Variants in RAI14 observed in about 807,000 individuals in gnomAD.
RAI14 encodes the protein retinoic acid induced 14.
RAI14 carries 45 observed loss-of-function variants against 115.4 expected under a neutral mutation model. The observed-to-expected ratio is 0.39, with a 90% CI of 0.31 to 0.50. The LOEUF is 0.50. Among genes scored for constraint, RAI14 ranks in the 20% least tolerant of loss-of-function variants. The pLI, the probability that RAI14 is intolerant of heterozygous loss-of-function variation, is 0.85. For synonymous variants in RAI14, 371 were observed against 415.4 expected (o/e 0.89, Z 1.30); for missense variants, 939 against 1,131.2 (o/e 0.83, Z 2.44).
intron 11 of RAI14, 31 bp from the exon 12 acceptor site, chr5:34,814,548 CTTTA>C: frequency 6.6e-7 from 1 of 1,507,420 alleles, no homozygotes; most frequent in Non-Finnish European, 9.2e-7. Context: ...AAGATACATT[CTTTA>C]TTAATGATTT....
At chr5:34,695,228 A>G (rs952245342) in intron 2 of RAI14, among the ~76,000 whole-genome samples, 4 of 152,184 alleles carry the variant, frequency 2.6e-5, no homozygotes, top group African/African-American at 9.7e-5. Context: ...TTGCTTCATA[A>G]CTGAGAAGCT....
intron 2 of RAI14, among the ~76,000 whole-genome samples, chr5:34,714,909 T>G (rs77891134): frequency 0.031 from 4,756 of 152,222 alleles, 128 homozygotes; most frequent in East Asian, 0.1. Context: ...TTGCAGTTCC[T>G]CGGTCTACCT....
intron 2 of RAI14, among the ~76,000 whole-genome samples, chr5:34,724,855 G>A (rs1743242535): frequency 6.6e-6 from 1 of 152,078 alleles, no homozygotes; most frequent in African/African-American, 2.4e-5. Flanking sequence ...TGTTACTCTT[G>A]TCCATTTGAT....
At chr5:34,716,239 C>T in intron 2 of RAI14, 1 of 334,176 alleles carries the variant, frequency 3.0e-6, no homozygotes, top group Non-Finnish European at 5.7e-6. Context: ...GAAATTTGTA[C>T]ATGATAATCT....
At chr5:34,825,570 C>T (rs186417011) in intron 15 of RAI14, among the ~76,000 whole-genome samples, 1 of 152,064 alleles carries the variant, frequency 6.6e-6, no homozygotes, top group Non-Finnish European at 1.5e-5. Flanking sequence ...TCGCCGGTCC[C>T]TCCTTTGACA....
intron 3 of RAI14, among the ~76,000 whole-genome samples, chr5:34,772,478 C>T (rs537685437): frequency 6.6e-6 from 1 of 152,320 alleles, no homozygotes; most frequent in South Asian, 2.1e-4. Context: ...AAGTTTACTC[C>T]AACCCCTCAC....
chr5:34,805,702 G>A (rs958828357), intron 5 of RAI14, among the ~76,000 whole-genome samples: 1 of 152,058 alleles, frequency 6.6e-6, no homozygotes, highest in Non-Finnish European at 1.5e-5. Context: ...TTAGCCGGGC[G>A]TGGTGGTGCA....
intron 3 of RAI14, among the ~76,000 whole-genome samples, chr5:34,779,343 A>G (rs1211290775): frequency 1.3e-5 from 2 of 152,156 alleles, no homozygotes; most frequent in African/African-American, 2.4e-5. Context: ...CACCACTCCT[A>G]TTCAACATAG....
At chr5:34,701,353 C>T (rs1405331992) in intron 2 of RAI14, among the ~76,000 whole-genome samples, 1 of 152,198 alleles carries the variant, frequency 6.6e-6, no homozygotes, top group Admixed American at 6.5e-5. Context: ...TAAAGAATCT[C>T]TGTTAACATA....
chr5:34,761,090 G>A (rs1206789490), intron 3 of RAI14, among the ~76,000 whole-genome samples: 19 of 152,138 alleles, frequency 1.2e-4, no homozygotes, highest in African/African-American at 4.3e-4. Flanking sequence ...TCTCTTCATG[G>A]TAGACATATA....
intron 2 of RAI14, among the ~76,000 whole-genome samples, chr5:34,757,005 A>G (rs943969257): frequency 1.3e-5 from 2 of 152,224 alleles, no homozygotes; most frequent in Non-Finnish European, 1.5e-5. Context: ...AAGAGAGGCA[A>G]TAAAAGCAGA....
At chr5:34,830,575 G>T (rs1017373844) in intron 17 of RAI14, 113 bp from the exon 18 acceptor site, 2 of 1,522,644 alleles carry the variant, frequency 1.3e-6, no homozygotes. Context: ...TCCTGTGAAA[G>T]ATGTGGGAAT....
chr5:34,736,733 A>G (rs1284175469), intron 2 of RAI14, among the ~76,000 whole-genome samples: 2 of 152,240 alleles, frequency 1.3e-5, no homozygotes, highest in Non-Finnish European at 2.9e-5. Context: ...TTGAGATAAC[A>G]GTGAGAAAAA....
chr5:34,728,878 C>T (rs1212201539), intron 2 of RAI14, among the ~76,000 whole-genome samples: 6 of 151,882 alleles, frequency 4.0e-5, no homozygotes, highest in African/African-American at 9.7e-5. Context: ...GCCATGATGG[C>T]GTCACTGCAC....
At chr5:34,705,076 A>G (rs1253175169) in intron 2 of RAI14, among the ~76,000 whole-genome samples, 1 of 152,146 alleles carries the variant, frequency 6.6e-6, no homozygotes, top group Non-Finnish European at 1.5e-5. Context: ...CTATGGACAC[A>G]TGCCACCATG....
At chr5:34,830,339 G>A (rs888856651) in intron 17 of RAI14, among the ~76,000 whole-genome samples, 45 of 152,222 alleles carry the variant, frequency 3.0e-4, no homozygotes, top group African/African-American at 1.0e-3. Context: ...GGGAAGACGG[G>A]GGCTTTATTT....
intron 2 of RAI14, among the ~76,000 whole-genome samples, chr5:34,707,302 A>G (rs539665142): frequency 3.3e-5 from 5 of 152,288 alleles, no homozygotes; most frequent in Non-Finnish European, 7.4e-5. Flanking sequence ...CCACATCTCT[A>G]CTAAAAATAC....
intron 2 of RAI14, among the ~76,000 whole-genome samples, chr5:34,753,991 G>T (rs1201010984): frequency 1.3e-5 from 2 of 151,502 alleles, no homozygotes; most frequent in Non-Finnish European, 2.9e-5. Flanking sequence ...TGGGGCAGGA[G>T]AGTCGCTTGA....
chr5:34,803,442 A>G (rs1754506087), intron 4 of RAI14, among the ~76,000 whole-genome samples: 1 of 152,156 alleles, frequency 6.6e-6, no homozygotes, highest in South Asian at 2.1e-4. Context: ...CTATACTCCC[A>G]GCAACTTGGG....
Sources: allele counts gnomAD v4.1 joint callset (sites outside exome capture counted in the v4.1 genomes callset), GRCh38; gene constraint gnomAD v4.1.1; transcripts MANE v1.5; gene names NCBI Gene and HGNC (gene_info 2026-07-23, HGNC 2026-07-21).